PIK3C2G: variants seen among roughly 807,000 people sequenced by gnomAD.
PIK3C2G encodes the protein phosphatidylinositol-4-phosphate 3-kinase catalytic subunit type 2 gamma.
PIK3C2G carries 168 observed loss-of-function variants against 181.1 expected under a neutral mutation model. That is an observed-to-expected ratio of 0.93 (90% CI 0.82 to 1.05). The LOEUF (loss-of-function observed/expected upper bound fraction) is 1.05, where lower values mean the gene tolerates loss of function less well. Ranked by LOEUF, PIK3C2G falls within the 50% of genes least tolerant of loss-of-function variation. The pLI, the probability that PIK3C2G is intolerant of heterozygous loss-of-function variation, is 0.00. For synonymous variants in PIK3C2G, 573 were observed against 592.2 expected, an observed-to-expected ratio of 0.97 and a Z score of 0.47; for missense variants, 1,869 against 1,732.8, an observed-to-expected ratio of 1.08 and a Z score of -1.40.
At chr12:18,370,936 CTT>C (rs956453905) in intron 12 of PIK3C2G, among the ~76,000 whole-genome samples, 5 of 152,066 alleles carry the variant, frequency 3.3e-5, no homozygotes, top group African/African-American at 1.2e-4. Flanking sequence ...CTTATTGTAA[CTT>C]TTAAAAATAT....
chr12:18,559,797 TATATATATATATATATATATATATAGAG>T (rs1266455367), intron 26 of PIK3C2G, among the ~76,000 whole-genome samples: 121 of 49,684 alleles, frequency 2.4e-3, no homozygotes, highest in Middle Eastern at 0.015. Flanking sequence ...TATATATATA[TATATATATATATATATATATATATAGAG>T]AGAGAGAGAG....
At chr12:18,650,702 G>GTA (rs1950442587), downstream of PIK3C2G, among the ~76,000 whole-genome samples, 5 of 27,688 alleles carry the variant, frequency 1.8e-4, no homozygotes, top group Non-Finnish European at 4.6e-4. Context: ...GTGTGTGTGT[G>GTA]TGTATATATC....
intron 16 of PIK3C2G, among the ~76,000 whole-genome samples, chr12:18,407,867 C>G (rs1475537754): frequency 6.6e-6 from 1 of 152,080 alleles, no homozygotes; most frequent in Non-Finnish European, 1.5e-5. Flanking sequence ...GGAAGAGAGA[C>G]AGTGTAGCTG....
chr12:18,688,348 G>T, the PIK3C2G span: 5 of 891,940 alleles, frequency 5.6e-6, no homozygotes, highest in Non-Finnish European at 8.2e-6. Flanking sequence ...ATTGAAAGTG[G>T]AATACAATAC....
intron 31 of PIK3C2G, among the ~76,000 whole-genome samples, chr12:18,629,069 T>C: frequency 6.6e-6 from 1 of 152,204 alleles, no homozygotes; most frequent in South Asian, 2.1e-4. Flanking sequence ...TTGAGTGAAA[T>C]GTATTAATTC....
intron 7 of PIK3C2G, among the ~76,000 whole-genome samples, chr12:18,322,055 C>T (rs1014182535): frequency 7.2e-5 from 11 of 152,134 alleles, no homozygotes; most frequent in African/African-American, 2.7e-4. Flanking sequence ...ATGTAACAAA[C>T]CTGCACATCC....
chr12:18,617,435 CT>C (rs1220867193), intron 31 of PIK3C2G, among the ~76,000 whole-genome samples: 2 of 152,086 alleles, frequency 1.3e-5, no homozygotes, highest in Non-Finnish European at 2.9e-5. Context: ...AGAACTGTCA[CT>C]TTTATACATG....
chr12:18,689,307 C>T, the PIK3C2G span, among the ~76,000 whole-genome samples: 1 of 151,980 alleles, frequency 6.6e-6, no homozygotes, highest in Admixed American at 6.6e-5. Context: ...TTTTGAAAAA[C>T]ATAATTGAAT....
chr12:18,480,844 G>T (rs1283625738), intron 18 of PIK3C2G, among the ~76,000 whole-genome samples: 2 of 152,214 alleles, frequency 1.3e-5, no homozygotes, highest in African/African-American at 4.8e-5. Flanking sequence ...TCTGCAAGGA[G>T]AAATACCTCT....
chr12:18,594,703 C>A (rs1947264090), intron 30 of PIK3C2G, 134 bp downstream of exon 30: 1 of 465,212 alleles, frequency 2.1e-6, no homozygotes. Context: ...TCTTTTCTAA[C>A]CATTTCCATA....
At chr12:18,596,766 G>A (rs1947386582) in intron 30 of PIK3C2G, among the ~76,000 whole-genome samples, 1 of 152,042 alleles carries the variant, frequency 6.6e-6, no homozygotes, top group Non-Finnish European at 1.5e-5. Context: ...CCATCTACAT[G>A]CCAGGGTCTC....
the PIK3C2G span, among the ~76,000 whole-genome samples, chr12:18,690,350 A>G: frequency 9.2e-3 from 1,407 of 152,140 alleles, 23 homozygotes; most frequent in African/African-American, 0.031. Context: ...CAGCCTCCCA[A>G]GTAGCTGGGA....
chr12:18,343,359 A>G lies in PIK3C2G; in HGVS notation c.1428A>G (p.Lys476=). The G allele has an allele frequency of 7.5e-7, 1 of 1,340,434 alleles. No individual in the cohort carries two copies. The highest frequency in any genetic ancestry group is 1.3e-5 in the South Asian group (1 of 76,586). The allele number at this position is 1,340,434 out of a possible 1,614,324, so 83.0% of individuals were successfully genotyped here. The change falls in exon 10 of 33, where the codon AAA becomes AAG. Residue 476 remains lysine, a splice_region_variant and synonymous_variant. Coordinates refer to ENST00000538779, the MANE Select transcript of PIK3C2G (RefSeq NM_001288772.2). ...NFYQSSETSA[K]GLIEKVTTEL... ...ATCAAAGTTCAGAGACTTCAGCAAA[A>G]GGTAAAACATACATGTACTCAAGTA... is the stretch of plus-strand genomic sequence containing the variant.
chr12:18,592,069 G>A (rs1565540005), intron 29 of PIK3C2G, among the ~76,000 whole-genome samples: 1 of 151,772 alleles, frequency 6.6e-6, no homozygotes, highest in Non-Finnish European at 1.5e-5. Flanking sequence ...ACTATTTAGT[G>A]GTACACTTTT....
At chr12:18,629,462 G>T (rs189462098) in intron 31 of PIK3C2G, among the ~76,000 whole-genome samples, 14 of 152,190 alleles carry the variant, frequency 9.2e-5, no homozygotes, top group Admixed American at 9.2e-4. Flanking sequence ...AGTAAACAAG[G>T]CCCCAAGGAA....
In PIK3C2G at chr12:18,399,683, T is replaced by C. The variant is rs761566656; in HGVS notation, c.2151T>C (p.Tyr717=). The part of the protein sequence containing the change: ...PLLLSEEKKR[Y]LWFYRFYCNN... ...GACTCTCTGAAGAAAAGAAAAGATA[T>C]TTATGGTTTTATCGCTTCTACTGCA... The change falls in exon 16 of 33, where the codon TAT becomes TAC. Residue 717 remains tyrosine (Y), a synonymous_variant. Coordinates refer to ENST00000538779, the MANE Select transcript of PIK3C2G (RefSeq NM_001288772.2). 1 of 1,575,262 alleles carries C rather than the reference T, an allele frequency of 6.3e-7. No individual in the cohort carries two copies. The highest frequency in any genetic ancestry group is 8.7e-7 in the Non-Finnish European group (1 of 1,154,804).
chr12:18,602,319 C>A (rs1947770396), intron 30 of PIK3C2G, among the ~76,000 whole-genome samples: 1 of 151,934 alleles, frequency 6.6e-6, no homozygotes, highest in South Asian at 2.1e-4. Context: ...TCCTCCTAGG[C>A]ACATAACTCC....
intron 11 of PIK3C2G, among the ~76,000 whole-genome samples, chr12:18,360,322 C>G (rs566758048): frequency 3.9e-4 from 59 of 152,222 alleles, no homozygotes; most frequent in African/African-American, 1.3e-3. Flanking sequence ...AAAATTACAT[C>G]TTTTTATATT....
intron 18 of PIK3C2G, among the ~76,000 whole-genome samples, chr12:18,427,214 A>T (rs1365286937): frequency 1.3e-5 from 2 of 151,818 alleles, no homozygotes; most frequent in Non-Finnish European, 2.9e-5. Context: ...TATATAAAAG[A>T]CAATGTTTTA....
Sources: gnomAD v4.1 joint callset for allele counts (sites outside exome capture counted in the v4.1 genomes callset) on GRCh38, gnomAD v4.1.1 for gene constraint, MANE v1.5 for transcripts, NCBI Gene and HGNC (gene_info 2026-07-23, HGNC 2026-07-21) for gene names.